Variants in ERC1 observed in about 807,000 individuals in gnomAD.
The protein encoded by ERC1 is ELKS/RAB6-interacting/CAST family member 1.
In ERC1, 56 loss-of-function variants were observed where a neutral mutation model predicts 132.0. That is an observed-to-expected ratio of 0.42 (90% CI 0.34 to 0.53). ERC1 has a LOEUF of 0.53. ERC1 is among the 20% of genes least tolerant of loss of function. The pLI, the probability that ERC1 is intolerant of heterozygous loss-of-function variation, is 0.03. For missense variants in ERC1, 1,202 were observed against 1,349.9 expected (o/e 0.89, Z 1.72); for synonymous variants, 478 against 476.1 (o/e 1.00, Z -0.05).
At chr12:1,252,330 T>G (rs1292366614) in intron 13 of ERC1, among the ~76,000 whole-genome samples, 1 of 152,170 alleles carries the variant, frequency 6.6e-6, no homozygotes, top group East Asian at 1.9e-4. Flanking sequence ...AGTTGTCTGT[T>G]ATTTTAAGGA....
At chr12:1,473,601 G>T (rs1410808647) in intron 18 of ERC1, among the ~76,000 whole-genome samples, 1 of 138,436 alleles carries the variant, frequency 7.2e-6, no homozygotes, top group Non-Finnish European at 1.5e-5. Flanking sequence ...CCGCACTCCA[G>T]CCTGGGGGAC....
chr12:999,862 T>C (rs1961842105), intron 1 of ERC1, among the ~76,000 whole-genome samples: 2 of 152,192 alleles, frequency 1.3e-5, no homozygotes, highest in East Asian at 1.9e-4. Flanking sequence ...CCCAGAGTGC[T>C]GGGATTACAG....
chr12:1,148,564 A>T (rs1026122062), intron 8 of ERC1, among the ~76,000 whole-genome samples: 1 of 152,080 alleles, frequency 6.6e-6, no homozygotes, highest in Non-Finnish European at 1.5e-5. Flanking sequence ...ACTGTTTTCA[A>T]AATTGGTTTA....
rs144653150 is a variant in ERC1 at position 1,332,566 on chromosome 12, C to A, written c.2781-39267C>A. On this transcript the variant is annotated intron_variant, in intron 15 of 18. Transcript: ENST00000360905. ...TGCTAGGCCTCTGCTCTGGGTGATA[C>A]AGCTGACTAGCAGCTTTGTATAACC... Among the ~76,000 whole-genome samples the A allele has an allele frequency of 2.2e-3, 334 of 152,320 alleles. 1 individual carries two copies. The highest frequency in any genetic ancestry group is 7.8e-3 in the African/African-American group (324 of 41,566).
intron 14 of ERC1, among the ~76,000 whole-genome samples, chr12:1,283,268 CTG>C (rs2078809853): frequency 6.6e-6 from 1 of 152,188 alleles, no homozygotes; most frequent in Non-Finnish European, 1.5e-5. Flanking sequence ...CTGAGCTTTT[CTG>C]TGTTTTAAAA....
At chr12:1,333,583 A>G (rs927112913) in intron 15 of ERC1, among the ~76,000 whole-genome samples, 5 of 151,992 alleles carry the variant, frequency 3.3e-5, no homozygotes, top group Non-Finnish European at 7.4e-5. Flanking sequence ...CACCCATCTC[A>G]GCCTCCCAAA....
intron 15 of ERC1, among the ~76,000 whole-genome samples, chr12:1,316,715 C>T (rs1453111388): frequency 6.6e-6 from 1 of 152,138 alleles, no homozygotes; most frequent in African/African-American, 2.4e-5. Flanking sequence ...CCATTTGACC[C>T]AGCAATCCCA....
chr12:1,406,907 G>C (rs1162776521), intron 16 of ERC1, among the ~76,000 whole-genome samples: 2 of 152,136 alleles, frequency 1.3e-5, no homozygotes, highest in East Asian at 3.8e-4. Flanking sequence ...ATTATCTTTA[G>C]TGAGTATTTT....
chr12:1,412,110 C>A (rs1274941581), intron 17 of ERC1, among the ~76,000 whole-genome samples: 1 of 152,186 alleles, frequency 6.6e-6, no homozygotes, highest in Non-Finnish European at 1.5e-5. Context: ...ATAAAATGTG[C>A]TGTAAACCTC....
intron 17 of ERC1, among the ~76,000 whole-genome samples, chr12:1,423,316 C>T (rs562788126): frequency 6.6e-6 from 1 of 152,236 alleles, no homozygotes; most frequent in Non-Finnish European, 1.5e-5. Context: ...AACCCCCCAC[C>T]ACTTATGGCC....
intron 8 of ERC1, among the ~76,000 whole-genome samples, chr12:1,142,907 CTTAT>C (rs1449069710): frequency 6.6e-6 from 1 of 152,072 alleles, no homozygotes; most frequent in African/African-American, 2.4e-5. Context: ...TCTTGTTTGG[CTTAT>C]TTATTGAGAT....
chr12:1,054,663 C>T (rs1972611059), intron 2 of ERC1, among the ~76,000 whole-genome samples: 1 of 152,104 alleles, frequency 6.6e-6, no homozygotes, highest in African/African-American at 2.4e-5. Flanking sequence ...TGGCTGCATT[C>T]ACTCGCACAA....
intron 15 of ERC1, among the ~76,000 whole-genome samples, chr12:1,290,277 A>C (rs10491956): frequency 0.064 from 9,708 of 152,208 alleles, 570 homozygotes; most frequent in African/African-American, 0.15. Context: ...AATTCCTAAA[A>C]TCTTCTGGAA....
intron 12 of ERC1, among the ~76,000 whole-genome samples, chr12:1,201,783 A>T (rs935988280): frequency 2.0e-5 from 3 of 152,332 alleles, no homozygotes; most frequent in Middle Eastern, 3.4e-3. Context: ...ATTGACATAA[A>T]CTGCTATATA....
chr12:1,486,643 T>C (rs1249662839), intron 18 of ERC1, among the ~76,000 whole-genome samples: 6 of 152,246 alleles, frequency 3.9e-5, no homozygotes, highest in Non-Finnish European at 8.8e-5. Flanking sequence ...CAGGCTGGTT[T>C]TGAACTCCTG....
chr12:1,118,869 T>C (rs1292669677), intron 7 of ERC1, among the ~76,000 whole-genome samples: 3 of 152,334 alleles, frequency 2.0e-5, no homozygotes, highest in South Asian at 2.1e-4. Flanking sequence ...CATGGAGTTT[T>C]TCTTTCATTT....
intron 1 of ERC1, among the ~76,000 whole-genome samples, chr12:1,025,627 A>G (rs1966850733): frequency 6.6e-6 from 1 of 151,954 alleles, no homozygotes; most frequent in South Asian, 2.1e-4. Context: ...ATGTATATGG[A>G]ATTTATTTTG....
At chr12:1,257,488 C>A (rs1487821080) in intron 13 of ERC1, among the ~76,000 whole-genome samples, 1 of 152,034 alleles carries the variant, frequency 6.6e-6, no homozygotes, top group East Asian at 1.9e-4. Context: ...CTGATTTTTC[C>A]CCTCTAAATC....
chr12:1,105,982 C>A (rs1301142983), intron 4 of ERC1, among the ~76,000 whole-genome samples: 1 of 152,182 alleles, frequency 6.6e-6, no homozygotes, highest in East Asian at 1.9e-4. Flanking sequence ...CATAGACCAT[C>A]CTTTGAAAAC....
Sources: gnomAD v4.1 joint callset for allele counts (sites outside exome capture counted in the v4.1 genomes callset) on GRCh38, gnomAD v4.1.1 for gene constraint, MANE v1.5 for transcripts, NCBI Gene and HGNC (gene_info 2026-07-23, HGNC 2026-07-21) for gene names.